The following BMP6 variants were observed in gnomAD, a reference collection of about 807,000 sequenced individuals.
BMP6 encodes bone morphogenetic protein 6.
BMP6 carries 17 observed loss-of-function variants against 54.1 expected under a neutral mutation model. The observed-to-expected ratio is 0.31, with a 90% CI of 0.22 to 0.47. The LOEUF (loss-of-function observed/expected upper bound fraction) is 0.47, where lower values mean the gene tolerates loss of function less well. BMP6 is among the 20% of genes least tolerant of loss of function. The pLI is 1.00. For synonymous variants in BMP6, 328 were observed against 291.2 expected (o/e 1.13, Z -1.28); for missense variants, 720 against 690.4 (o/e 1.04, Z -0.48).
chr6:7,862,208 A>G (rs944189909), intron 3 of BMP6, 93 bp from the exon 4 acceptor site: 11 of 1,403,422 alleles, frequency 7.8e-6, no homozygotes, highest in Non-Finnish European at 1.1e-5. Flanking sequence ...AAGGATTAGC[A>G]CTTAGGAAAC....
intron 1 of BMP6, among the ~76,000 whole-genome samples, chr6:7,833,420 CAG>C (rs757696588): frequency 1.3e-5 from 2 of 152,090 alleles, no homozygotes; most frequent in Non-Finnish European, 2.9e-5. Context: ...GAGCTAGAGA[CAG>C]AGGGGCAGGT....
chr6:7,751,495 C>T (rs182183382), intron 1 of BMP6, among the ~76,000 whole-genome samples: 1 of 152,286 alleles, frequency 6.6e-6, no homozygotes, highest in East Asian at 1.9e-4. Context: ...GATACAATAC[C>T]TAACAGTGCA....
At chr6:7,739,147 C>G (rs1189937124) in intron 1 of BMP6, among the ~76,000 whole-genome samples, 17 of 152,154 alleles carry the variant, frequency 1.1e-4, no homozygotes, top group Admixed American at 1.1e-3. Flanking sequence ...ATTTTGGAAG[C>G]AAGTGTCTGG....
At chr6:7,774,706 CA>C (rs111760954) in intron 1 of BMP6, among the ~76,000 whole-genome samples, 5 of 151,798 alleles carry the variant, frequency 3.3e-5, no homozygotes, top group African/African-American at 1.2e-4. Context: ...GAGACTCCGT[CA>C]AAAAAAAGAT....
At chr6:7,812,486 A>G (rs889368401) in intron 1 of BMP6, among the ~76,000 whole-genome samples, 4 of 152,232 alleles carry the variant, frequency 2.6e-5, no homozygotes, top group Non-Finnish European at 5.9e-5. Context: ...ATGTACATGT[A>G]CACATGTAGA....
intron 1 of BMP6, among the ~76,000 whole-genome samples, chr6:7,823,554 T>G (rs560063331): frequency 6.6e-6 from 1 of 152,330 alleles, no homozygotes; most frequent in Admixed American, 6.5e-5. Flanking sequence ...TGGAGACATG[T>G]ATTTTAAAAA....
chr6:7,860,050 C>G (rs1194788953), intron 2 of BMP6, among the ~76,000 whole-genome samples: 2 of 152,154 alleles, frequency 1.3e-5, no homozygotes, highest in African/African-American at 2.4e-5. Flanking sequence ...CTCAATGAGA[C>G]AGTATGTTAT....
At chr6:7,762,858 T>C (rs1471136841) in intron 1 of BMP6, among the ~76,000 whole-genome samples, 3 of 152,242 alleles carry the variant, frequency 2.0e-5, no homozygotes, top group Middle Eastern at 3.2e-3. Flanking sequence ...ATCTTAATAG[T>C]TGGCTTGATG....
chr6:7,810,694 T>G (rs527527438), intron 1 of BMP6, among the ~76,000 whole-genome samples: 158 of 152,374 alleles, frequency 1.0e-3, no homozygotes, highest in Non-Finnish European at 1.7e-3. Context: ...TTCACTATAC[T>G]TAATAATTGC....
intron 1 of BMP6, among the ~76,000 whole-genome samples, chr6:7,808,658 A>G (rs1758388446): frequency 6.6e-6 from 1 of 152,174 alleles, no homozygotes; most frequent in African/African-American, 2.4e-5. Flanking sequence ...TCATGCCTAT[A>G]ATTCCAGTGC....
At chr6:7,826,206 A>G (rs1482561449) in intron 1 of BMP6, among the ~76,000 whole-genome samples, 1 of 152,152 alleles carries the variant, frequency 6.6e-6, no homozygotes, top group African/African-American at 2.4e-5. Context: ...CCTTGGTTCA[A>G]AAAGCTCTCA....
intron 6 of BMP6, 24 bp downstream of exon 6, chr6:7,880,125 T>C: frequency 6.2e-7 from 1 of 1,614,114 alleles, no homozygotes; most frequent in South Asian, 1.1e-5. Flanking sequence ...GACTTTGTTT[T>C]GTAAGTGGGA....
At chr6:7,808,041 C>T (rs1429610906) in intron 1 of BMP6, among the ~76,000 whole-genome samples, 4 of 151,500 alleles carry the variant, frequency 2.6e-5, no homozygotes, top group Non-Finnish European at 5.9e-5. Flanking sequence ...CTGCCTCAGC[C>T]TCCCAAGTAG....
chr6:7,750,442 T>C (rs1458856458), intron 1 of BMP6, among the ~76,000 whole-genome samples: 1 of 152,180 alleles, frequency 6.6e-6, no homozygotes, highest in African/African-American at 2.4e-5. Flanking sequence ...CGAGCAGATA[T>C]TTTTATTCTT....
chr6:7,728,952 G>T (rs1486614754), intron 1 of BMP6, among the ~76,000 whole-genome samples: 3 of 152,194 alleles, frequency 2.0e-5, no homozygotes, highest in Admixed American at 6.5e-5. Flanking sequence ...GAGAACATGG[G>T]GGGTAAGAGC....
chr6:7,815,606 C>T (rs1320044328), intron 1 of BMP6, among the ~76,000 whole-genome samples: 1 of 152,122 alleles, frequency 6.6e-6, no homozygotes, highest in African/African-American at 2.4e-5. Context: ...ATTATGAAAA[C>T]ATTTTGGAGG....
intron 1 of BMP6, among the ~76,000 whole-genome samples, chr6:7,754,781 G>A (rs1757486537): frequency 6.6e-6 from 1 of 152,176 alleles, no homozygotes; most frequent in African/African-American, 2.4e-5. Context: ...GCAGTGGTGC[G>A]ATCTCGGCTC....
chr6:7,800,083 T>G (rs1337169111), intron 1 of BMP6, among the ~76,000 whole-genome samples: 2 of 47,546 alleles, frequency 4.2e-5, no homozygotes, highest in African/African-American at 2.6e-4. Flanking sequence ...GGAAGGGGTG[T>G]GTGTGTGTGT....
chr6:7,809,831 T>C (rs533213999), intron 1 of BMP6, among the ~76,000 whole-genome samples: 2 of 152,300 alleles, frequency 1.3e-5, no homozygotes, highest in East Asian at 1.9e-4. Context: ...TCGGTTTGAA[T>C]GCTTAGGAAT....
Sources: allele counts gnomAD v4.1 joint callset (sites outside exome capture counted in the v4.1 genomes callset), GRCh38; gene constraint gnomAD v4.1.1; transcripts MANE v1.5; gene names NCBI Gene and HGNC (gene_info 2026-07-23, HGNC 2026-07-21).